Variants in RFT1 observed in about 807,000 individuals in gnomAD.
RFT1 encodes the protein man(5)GlcNAc(2)-PP-dolichol translocation protein RFT1.
In RFT1, 43 loss-of-function variants were observed where a neutral mutation model predicts 62.2. The ratio of observed to expected loss-of-function variants is 0.69; its 90% CI spans 0.54 to 0.89. The LOEUF is 0.89. Among genes scored for constraint, RFT1 ranks in the 40% least tolerant of loss-of-function variants. The pLI is 0.00. For missense variants in RFT1, 605 were observed against 649.9 expected (o/e 0.93, Z 0.75); for synonymous variants, 262 against 264.6 (o/e 0.99, Z 0.10).
chr3:53,092,099 G>T, intron 12 of RFT1, 29 bp from the exon 13 acceptor site: 1 of 1,613,570 alleles, frequency 6.2e-7, no homozygotes, highest in Non-Finnish European at 8.5e-7. Context: ...GTCAGTGCCT[G>T]TTCCTCAGTC....
In RFT1 at chr3:53,089,945, T is replaced by G. The variant is rs2107063080; in HGVS notation, c.*1958A>C. On this transcript the variant is annotated 3_prime_UTR_variant, in exon 13 of 13. Coordinates refer to ENST00000296292, the MANE Select transcript of RFT1 (RefSeq NM_052859.4). The stretch of plus-strand genomic sequence containing the variant: ...GGCTGCTTGTAGAGCAGCAGCTCTG[T>G]TCCTGGAGCAGAGAACAGGCACTGT... The G allele has an allele frequency of 6.5e-6, 1 of 152,790 alleles. No homozygotes were observed. Among genetic ancestry groups the G allele is most frequent in the South Asian group, 2.1e-4 (1 of 4,822 alleles). The allele number at this position is 152,790 out of a possible 1,614,324, so 9.5% of individuals were successfully genotyped here. A position where few individuals can be genotyped will look rare whatever the true frequency, so the allele number is the denominator to read the frequency against.
At position 53,121,603 on chromosome 3, in the gene RFT1, G is replaced by A. The variant is rs1701969199; in HGVS notation, c.558+96C>T. Reference sequence around the variant, plus strand: ...GCTTCCACCTCCTGCACAGGCATGGGTACTGTGAATGCAGACCACACGGCG... The same window carrying A: ...GCTTCCACCTCCTGCACAGGCATGGATACTGTGAATGCAGACCACACGGCG... On this transcript the variant is annotated intron_variant, in intron 5 of 12. Coordinates refer to ENST00000296292, the MANE Select transcript of RFT1 (RefSeq NM_052859.4). 9 of 947,576 alleles carry A rather than the reference G, an allele frequency of 9.5e-6. No individual in the cohort carries two copies. The South Asian group carries it at 1.3e-4, about 13-fold the overall frequency. The allele number at this position is 947,576 out of a possible 1,614,324, so 58.7% of individuals were successfully genotyped here.
chr3:53,087,462 AG>A (rs1394483602), downstream of RFT1, among the ~76,000 whole-genome samples: 1 of 151,846 alleles, frequency 6.6e-6, no homozygotes, highest in Non-Finnish European at 1.5e-5. Context: ...CTCCTCCTCC[AG>A]GTTCTGGATG....
chr3:53,092,761 G>A, intron 11 of RFT1, 143 bp from the exon 12 acceptor site: 2 of 933,508 alleles, frequency 2.1e-6, no homozygotes, highest in East Asian at 2.6e-5. Flanking sequence ...ATGCTACCTG[G>A]AGACCATGGG....
intron 6 of RFT1, among the ~76,000 whole-genome samples, chr3:53,112,466 G>A (rs1701678770): frequency 6.6e-6 from 1 of 152,228 alleles, no homozygotes; most frequent in African/African-American, 2.4e-5. Context: ...TCCAGGCCAG[G>A]CGAGGTTGCT....
At chr3:53,126,051 G>A (rs1224210699) in intron 1 of RFT1, 57 bp from the exon 2 acceptor site, 20 of 1,353,338 alleles carry the variant, frequency 1.5e-5, no homozygotes, top group Middle Eastern at 1.8e-4. Flanking sequence ...TGTTTACTTA[G>A]CTGAAATGAG....
intron 10 of RFT1, among the ~76,000 whole-genome samples, chr3:53,101,203 T>C (rs1701302049): frequency 1.3e-5 from 2 of 152,198 alleles, no homozygotes; most frequent in Admixed American, 1.3e-4. Flanking sequence ...TCCATGTTTA[T>C]CACCTCACAT....
chr3:53,085,255 G>C (rs377331523), downstream of RFT1, among the ~76,000 whole-genome samples: 1 of 152,134 alleles, frequency 6.6e-6, no homozygotes, highest in Non-Finnish European at 1.5e-5. Flanking sequence ...CGGTGAAGCC[G>C]GGAGAAGCAG....
Position 53,123,731 on chromosome 3 carries a change from A to C in RFT1, c.259T>G (p.Trp87Gly), listed in dbSNP as rs755713927. ...TGCCAAAGCACAACTCACGTTAGCC[A>C]CAGCAGGTTGAGGGTCTGGCTCCAG... is the stretch of plus-strand genomic sequence containing the variant. Reference protein sequence around the residue: ...RDWSQTLNLLWLTVPLGVFWS... With the variant: ...RDWSQTLNLLGLTVPLGVFWS... The change falls in exon 3 of 13, where the codon TGG becomes GGG. Residue 87 changes from tryptophan (W) to glycine (G), a missense_variant. By Grantham distance (184) the Trp-to-Gly change is radical. Transcript: ENST00000296292. The C allele has an allele frequency of 2.5e-6, 4 of 1,613,366 alleles. No individual in the cohort carries two copies. The South Asian group carries it at 4.4e-5, about 18-fold the overall frequency.
At chr3:53,109,963 T>C (rs907675869) in intron 7 of RFT1, among the ~76,000 whole-genome samples, 3 of 152,198 alleles carry the variant, frequency 2.0e-5, no homozygotes, top group Admixed American at 6.5e-5. Context: ...GAGAAGTTCC[T>C]AATGGCACTC....
Position 53,105,749 on chromosome 3 carries a change from T to A in RFT1, c.881A>T (p.Gln294Leu). ...TATATAAAAACTTTCCTCTATTGGC[T>A]GGAAAATTAATCTGGCCACAAGGGA... ...LGSLVARLIF[Q>L]PIEESFYIFF... Residue 294 changes from glutamine (Q) to leucine (L), a missense_variant, in exon 9 of 13, where the codon CAG becomes CTG. Physicochemically the swap from Gln to Leu is moderately radical, Grantham distance 113. Transcript: ENST00000296292. 8 of 1,613,876 alleles carry A rather than the reference T, an allele frequency of 5.0e-6. No homozygotes were observed. The highest frequency in any genetic ancestry group is 1.7e-5 in the Admixed American group (1 of 60,012).
At chr3:53,111,975 A>C in intron 6 of RFT1, 67 bp from the exon 7 acceptor site, 1 of 1,252,040 alleles carries the variant, frequency 8.0e-7, no homozygotes, top group Non-Finnish European at 1.2e-6. Context: ...GCAATGCTAC[A>C]TGAGAGGCAA....
chr3:53,127,186 G>A (rs2107175993), intron 1 of RFT1, among the ~76,000 whole-genome samples: 1 of 152,196 alleles, frequency 6.6e-6, no homozygotes, highest in South Asian at 2.1e-4. Context: ...GGAGGCCGAG[G>A]CGGGTGGATC....
the RFT1 span, among the ~76,000 whole-genome samples, chr3:53,075,101 C>A: frequency 6.6e-6 from 1 of 152,190 alleles, no homozygotes. Context: ...GACCCTTGGG[C>A]CCCGTTCTCC....
At chr3:53,082,518 T>C in the RFT1 span, among the ~76,000 whole-genome samples, 1 of 151,380 alleles carries the variant, frequency 6.6e-6, no homozygotes, top group Admixed American at 6.6e-5. Flanking sequence ...ATAATAATAA[T>C]AATAGAGGGG....
intron 6 of RFT1, among the ~76,000 whole-genome samples, chr3:53,114,044 G>A (rs1701725160): frequency 6.6e-6 from 1 of 152,182 alleles, no homozygotes; most frequent in Non-Finnish European, 1.5e-5. Context: ...TGGGCCACAA[G>A]ATGTTTAAAA....
intron 6 of RFT1, among the ~76,000 whole-genome samples, chr3:53,117,152 C>T (rs946940239): frequency 6.6e-6 from 1 of 152,186 alleles, no homozygotes; most frequent in Non-Finnish European, 1.5e-5. Context: ...TAAAATGGAG[C>T]TAACAGTATT....
the RFT1 span, chr3:53,077,906 T>C: frequency 6.6e-6 from 1 of 152,226 alleles, no homozygotes; most frequent in Non-Finnish European, 1.5e-5. Context: ...GACCATTGAC[T>C]GGGAGGCTGG....
rs1187373758 is a variant in RFT1 at position 53,104,051 on chromosome 3, A to C, written c.1004T>G (p.Leu335Arg). ...GATGGTCAGGCCGGCCAGCAGGGCC[A>C]GCTTGAGCAGGGACTCCAAGACTGC... ...AAAVLESLLK[L>R]ALLAGLTITV... is the part of the protein sequence containing the mutation. The change falls in exon 10 of 13, where the codon CTG becomes CGG. Residue 335 changes from leucine to arginine, a missense_variant. By Grantham distance (102) the Leu-to-Arg change is moderately radical. Transcript: ENST00000296292. 5 of 1,614,090 alleles carry C rather than the reference A, an allele frequency of 3.1e-6. No homozygotes were observed. In the African/African-American group the frequency reaches 5.3e-5, roughly 17 times the overall value.
Sources: gnomAD v4.1 joint callset for allele counts (sites outside exome capture counted in the v4.1 genomes callset) on GRCh38, gnomAD v4.1.1 for gene constraint, MANE v1.5 for transcripts, NCBI Gene and HGNC (gene_info 2026-07-23, HGNC 2026-07-21) for gene names.